REPS2: variants seen among roughly 807,000 people sequenced by gnomAD.
REPS2 encodes the protein RALBP1 associated Eps domain containing 2, also known as ralBP1-associated Eps domain-containing protein 2.
In REPS2, 23 loss-of-function variants were observed where a neutral mutation model predicts 53.6. That is an observed-to-expected ratio of 0.43 (90% CI 0.31 to 0.61). The LOEUF (loss-of-function observed/expected upper bound fraction) is 0.61, where lower values mean the gene tolerates loss of function less well. Ranked by LOEUF, REPS2 falls within the 20% of genes least tolerant of loss-of-function variation. The probability of loss-of-function intolerance (pLI) is 0.11; values close to 1 mark genes in which losing one functional copy is unlikely to be tolerated. For missense variants in REPS2, 446 were observed against 534.9 expected (o/e 0.83, Z 1.64); for synonymous variants, 238 against 218.6 (o/e 1.09, Z -0.78).
the REPS2 span, among the ~76,000 whole-genome samples, chrX:17,193,413 G>A: frequency 9.0e-6 from 1 of 111,576 alleles, no homozygotes; most frequent in Non-Finnish European, 1.9e-5. Context: ...GAATGGGAGT[G>A]GCAATGGCAG....
intron 14 of REPS2, among the ~76,000 whole-genome samples, chrX:17,117,044 G>A (rs1401588164): frequency 9.0e-6 from 1 of 111,628 alleles, no homozygotes; most frequent in East Asian, 2.8e-4. Context: ...TCCATCTGGT[G>A]CAGGTGTCAG....
rs1294920051 is a variant in REPS2 at position 17,016,929 on chromosome X, C to A, written c.398-5194C>A. On this transcript the variant is annotated intron_variant, in intron 2 of 17. Transcript: ENST00000357277. ...CACAGCAGCTTTATTTACAATGGGC[C>A]CACACTGGAAACAACCCAAATGTTT... 5.4e-5 allele frequency among the ~76,000 whole-genome samples: 6 copies of A among 110,331 alleles called. No individual in the cohort carries two copies. In the Admixed American group the frequency reaches 5.8e-4, roughly 11 times the overall value.
chrX:17,185,174 A>G, the REPS2 span, among the ~76,000 whole-genome samples: 1 of 110,616 alleles, frequency 9.0e-6, no homozygotes, highest in Non-Finnish European at 1.9e-5. Flanking sequence ...CTTCGTTGGG[A>G]AGGCTGGAGT....
At chrX:17,084,826 G>A (rs1001232284) in intron 13 of REPS2, among the ~76,000 whole-genome samples, 2 of 111,510 alleles carry the variant, frequency 1.8e-5, no homozygotes, top group African/African-American at 3.3e-5. Context: ...ATTTTCCTTC[G>A]TTCTGTGGGT....
the REPS2 span, among the ~76,000 whole-genome samples, chrX:17,158,371 G>A: frequency 3.6e-5 from 4 of 111,575 alleles, no homozygotes; most frequent in Non-Finnish European, 5.6e-5. Context: ...GGAAAAGATG[G>A]TCTTTTCAAT....
At chrX:17,118,060 C>T (rs1257914308) in intron 14 of REPS2, among the ~76,000 whole-genome samples, 931 of 67,207 alleles carry the variant, frequency 0.014, no homozygotes, top group African/African-American at 0.018. Context: ...CCCGGGTTCA[C>T]GCCATTCTCC....
chrX:16,979,816 A>G (rs1252304049), intron 1 of REPS2, among the ~76,000 whole-genome samples: 1 of 107,619 alleles, frequency 9.3e-6, no homozygotes, highest in Non-Finnish European at 1.9e-5. Flanking sequence ...TTTTCCACAC[A>G]TGGGTTTTTT....
At chrX:17,040,570 T>C (rs781202820) in intron 5 of REPS2, among the ~76,000 whole-genome samples, 54 of 112,148 alleles carry the variant, frequency 4.8e-4, no homozygotes, top group Non-Finnish European at 7.3e-4. Context: ...TAAACAAGAT[T>C]GATCAAGCAT....
At chrX:17,062,669 T>C in intron 9 of REPS2, 137 bp downstream of exon 9, 1 of 427,518 alleles carries the variant, frequency 2.3e-6, no homozygotes, top group Non-Finnish European at 4.0e-6. Flanking sequence ...TTTTCATACT[T>C]GGTAATTATT....
chrX:17,107,330 C>A (rs1488008281), intron 14 of REPS2, among the ~76,000 whole-genome samples: 2 of 112,156 alleles, frequency 1.8e-5, no homozygotes, highest in African/African-American at 6.5e-5. Flanking sequence ...TTGATTGAAT[C>A]TCAAGTTTTG....
intron 1 of REPS2, among the ~76,000 whole-genome samples, chrX:16,995,023 C>T (rs2061216164): frequency 8.9e-6 from 1 of 112,292 alleles, no homozygotes; most frequent in African/African-American, 3.2e-5. Context: ...TCATTAGTTT[C>T]TGTTGTATAC....
intron 14 of REPS2, among the ~76,000 whole-genome samples, chrX:17,115,031 C>T (rs974615752): frequency 8.9e-6 from 1 of 112,062 alleles, no homozygotes; most frequent in Non-Finnish European, 1.9e-5. Flanking sequence ...GGTTGCCCCT[C>T]CACACCTGTG....
intron 11 of REPS2, among the ~76,000 whole-genome samples, chrX:17,071,708 G>A (rs2062309231): frequency 9.0e-6 from 1 of 111,661 alleles, no homozygotes; most frequent in Non-Finnish European, 1.9e-5. Flanking sequence ...CTGGATGGCT[G>A]TCCTTGCCAT....
chrX:17,053,781 G>A (rs1378003601), intron 7 of REPS2, among the ~76,000 whole-genome samples: 1 of 112,054 alleles, frequency 8.9e-6, no homozygotes, highest in African/African-American at 3.2e-5. Context: ...GCCTATGAAA[G>A]CTGAATGGTA....
At position 16,951,500 on chromosome X, in the gene REPS2, TACACACACAC is replaced by T. The variant is rs1157042780; in HGVS notation, c.273+4417_273+4426del. The stretch of plus-strand genomic sequence containing the variant: ...CTGGGCAAGATGGCAAAACCCCATC[TACACACACAC>T]ACACACACACACACACACACACACA... On this transcript the variant is annotated intron_variant, in intron 1 of 17. Transcript: ENST00000357277. 6.3e-3 allele frequency among the ~76,000 whole-genome samples: 376 copies of T among 60,111 alleles called. 6 individuals carry two copies. The highest frequency in any genetic ancestry group is 0.015 in the African/African-American group (224 of 15,106). The allele number at this position is 60,111 out of a possible 115,157, so 52.2% of individuals were successfully genotyped here.
At chrX:17,043,236 T>A (rs918469901) in intron 5 of REPS2, among the ~76,000 whole-genome samples, 5 of 111,304 alleles carry the variant, frequency 4.5e-5, no homozygotes, top group African/African-American at 1.6e-4. Context: ...ACTCTATGGG[T>A]TACACAGAAC....
chrX:16,994,573 C>T (rs766458408), intron 1 of REPS2, among the ~76,000 whole-genome samples: 30 of 111,202 alleles, frequency 2.7e-4, no homozygotes, highest in African/African-American at 9.2e-4. Flanking sequence ...AATGGAAAAC[C>T]GAACGTTGTA....
intron 13 of REPS2, among the ~76,000 whole-genome samples, chrX:17,092,019 G>A (rs1032007207): frequency 3.6e-5 from 4 of 111,194 alleles, no homozygotes; most frequent in African/African-American, 9.8e-5. Context: ...TTTGGTATTC[G>A]AATGCTTTTA....
At chrX:16,963,023 C>T (rs895161162) in intron 1 of REPS2, among the ~76,000 whole-genome samples, 2 of 111,174 alleles carry the variant, frequency 1.8e-5, no homozygotes, top group Admixed American at 9.5e-5. Context: ...TGCTTGAGCC[C>T]GAAAGGTAGA....
Sources: allele counts gnomAD v4.1 joint callset (sites outside exome capture counted in the v4.1 genomes callset), GRCh38; gene constraint gnomAD v4.1.1; transcripts MANE v1.5; gene names NCBI Gene and HGNC (gene_info 2026-07-23, HGNC 2026-07-21).